LMNB2: variants seen among roughly 807,000 people sequenced by gnomAD.
LMNB2 encodes the protein lamin B2.
LMNB2 carries 17 observed loss-of-function variants against 69.3 expected under a neutral mutation model. The observed-to-expected ratio is 0.25, with a 90% CI of 0.17 to 0.37. LMNB2 has a LOEUF of 0.37. Ranked by LOEUF, LMNB2 falls within the 10% of genes least tolerant of loss-of-function variation. The pLI is 1.00. For synonymous variants in LMNB2, 397 were observed against 389.3 expected (o/e 1.02, Z -0.23); for missense variants, 789 against 883.6 (o/e 0.89, Z 1.36).
chr19:2,447,400 G>C lies in LMNB2; in HGVS notation c.265-2860C>G. Among the ~76,000 whole-genome samples the C allele has an allele frequency of 6.6e-6, 1 of 152,156 alleles. No individual in the cohort carries two copies. Among genetic ancestry groups the C allele is most frequent in the Non-Finnish European group, 1.5e-5 (1 of 68,018 alleles). On this transcript the variant is annotated intron_variant, in intron 1 of 11. Coordinates refer to ENST00000325327, the MANE Select transcript of LMNB2 (RefSeq NM_032737.4). This position sits in a 1 kb window ranked among gnomAD's most constrained non-coding sequence, Gnocchi z 4.4. Reference sequence around the variant, plus strand: ...GCACAGACACAGGCAGCGGGTGTGTGGGCAGCGGGGCTGGAGAAGGGGACG... The same window carrying C: ...GCACAGACACAGGCAGCGGGTGTGTCGGCAGCGGGGCTGGAGAAGGGGACG...
At chr19:2,440,360 T>C (rs1378717346) in intron 2 of LMNB2, among the ~76,000 whole-genome samples, 2 of 152,000 alleles carry the variant, frequency 1.3e-5, no homozygotes, top group Non-Finnish European at 2.9e-5. Flanking sequence ...CCAGATAATT[T>C]TGTATTTTTA....
At chr19:2,449,187 G>C (rs1013536888) in intron 1 of LMNB2, among the ~76,000 whole-genome samples, 1 of 152,148 alleles carries the variant, frequency 6.6e-6, no homozygotes, top group Admixed American at 6.5e-5. Flanking sequence ...GGGAGCCACC[G>C]CACCCAGCCC....
rs1469418961 is a variant in LMNB2 at position 2,453,301 on chromosome 19, C to A, written c.264+3369G>T. On this transcript the variant is annotated intron_variant, in intron 1 of 11. Coordinates refer to ENST00000325327, the MANE Select transcript of LMNB2 (RefSeq NM_032737.4). This position sits in a 1 kb window ranked among gnomAD's most constrained non-coding sequence, Gnocchi z 4.4. ...GACCTGCATGCTCTTAGGCCTGACACCCCAGGTCCCTCCTCGTTCAGAGCT... is the reference window on the plus strand; with the variant it reads ...GACCTGCATGCTCTTAGGCCTGACAACCCAGGTCCCTCCTCGTTCAGAGCT... Among the ~76,000 whole-genome samples the A allele has an allele frequency of 1.3e-5, 2 of 152,086 alleles. No individual in the cohort carries two copies. Among genetic ancestry groups the A allele is most frequent in the Admixed American group, 6.5e-5 (1 of 15,272 alleles).
rs754918727 is a variant in LMNB2 at position 2,431,565 on chromosome 19, C to T, written c.1804G>A (p.Asp602Asn). 1.2e-5 allele frequency: 19 copies of T among 1,614,028 alleles called. No individual in the cohort carries two copies. Among genetic ancestry groups the T allele is most frequent in the Non-Finnish European group, 1.4e-5 (17 of 1,179,994 alleles). Residue 602 changes from aspartate to asparagine, a missense_variant, in exon 11 of 12, where the codon GAT becomes AAT. Physicochemically the swap from Asp to Asn is conservative, Grantham distance 23 (BLOSUM62 1). This residue lies in a region of LMNB2 where 609 missense variants were observed against 630.9 expected (regional missense o/e 0.97). Coordinates refer to ENST00000325327, the MANE Select transcript of LMNB2 (RefSeq NM_032737.4). ...EEEEAEFGEE[D>N]LFHQQGDPRT... Reference sequence around the variant, plus strand: ...GGTCCTACCTGTTGGTGGAAAAGATCCTCCTCGCCAAACTCGGCTTCCTCC... The same window carrying T: ...GGTCCTACCTGTTGGTGGAAAAGATTCTCCTCGCCAAACTCGGCTTCCTCC...
chr19:2,456,263 C>G (rs1972087044), intron 1 of LMNB2, among the ~76,000 whole-genome samples: 2 of 151,052 alleles, frequency 1.3e-5, no homozygotes, highest in African/African-American at 4.9e-5. Context: ...AGCCGAGCAG[C>G]ACCCCTCACT....
rs1971694534 is a variant in LMNB2 at position 2,428,714 on chromosome 19, A to G, written c.*2197T>C. 6.6e-6 allele frequency: 1 copy of G among 152,270 alleles called. No individual in the cohort carries two copies. The highest frequency in any genetic ancestry group is 2.4e-5 in the African/African-American group (1 of 41,460). The allele number at this position is 152,270 out of a possible 1,614,324, so 9.4% of individuals were successfully genotyped here. The stretch of plus-strand genomic sequence containing the variant: ...CAGAGGGATGGTTTCGCATCGTTCT[A>G]AGCGGCACACAGCTAAGCGTATTTG... On this transcript the variant is annotated 3_prime_UTR_variant, in exon 12 of 12. Transcript: ENST00000325327.
chr19:2,456,442 C>T (rs1161206254), intron 1 of LMNB2, among the ~76,000 whole-genome samples: 1 of 151,170 alleles, frequency 6.6e-6, no homozygotes, highest in East Asian at 2.0e-4. Flanking sequence ...AGACCCGGGC[C>T]CGTCCCTGTC....
chr19:2,450,109 T>TATAC (rs769497368), intron 1 of LMNB2, among the ~76,000 whole-genome samples: 2 of 143,238 alleles, frequency 1.4e-5, no homozygotes, highest in East Asian at 4.6e-4. Flanking sequence ...TACATATACA[T>TATAC]ATATATATAC....
intron 1 of LMNB2, among the ~76,000 whole-genome samples, chr19:2,452,602 T>C (rs912569134): frequency 6.6e-6 from 1 of 151,828 alleles, no homozygotes; most frequent in African/African-American, 2.4e-5. Flanking sequence ...GGTACACGCC[T>C]GTAATCCCAG....
At chr19:2,445,550 C>A (rs1028012945) in intron 1 of LMNB2, among the ~76,000 whole-genome samples, 10 of 148,932 alleles carry the variant, frequency 6.7e-5, no homozygotes, top group Non-Finnish European at 1.2e-4. Context: ...CACCTTTCAC[C>A]CCTCGATCAC....
chr19:2,431,664 C>CGG lies in LMNB2; in HGVS notation c.1711-8_1711-7dup. The CGG allele has an allele frequency of 6.2e-7, 1 of 1,614,098 alleles. No individual in the cohort carries two copies. On this transcript the variant is annotated splice_region_variant and splice_polypyrimidine_tract_variant and intron_variant, in intron 10 of 11. Transcript: ENST00000325327. ...ACAGTCCTCATGGCCACTTCCTGTG[C>CGG]GGGACAGGACACGGCGGCATGTCCC...
chr19:2,445,607 CCCA>C (rs1971946577), intron 1 of LMNB2, among the ~76,000 whole-genome samples: 1 of 120,048 alleles, frequency 8.3e-6, no homozygotes, highest in East Asian at 2.7e-4. Flanking sequence ...ACCAGCGGCC[CCCA>C]CCTTTCACCC....
intron 4 of LMNB2, among the ~76,000 whole-genome samples, chr19:2,436,637 C>A (rs1971826724): frequency 6.9e-6 from 1 of 144,718 alleles, no homozygotes; most frequent in South Asian, 2.2e-4. Context: ...ACCCCCACAG[C>A]CGCGCACCCA....
At chr19:2,446,795 C>A (rs1445727771) in intron 1 of LMNB2, among the ~76,000 whole-genome samples, 1 of 152,224 alleles carries the variant, frequency 6.6e-6, no homozygotes, top group Non-Finnish European at 1.5e-5. Flanking sequence ...GGTAACTCCA[C>A]TCCTGGGTGT....
At position 2,431,764 on chromosome 19, in the gene LMNB2, C is replaced by T. The variant is rs1388336809; in HGVS notation, c.1710+19G>A. 7 of 1,613,828 alleles carry T rather than the reference C, an allele frequency of 4.3e-6. No individual in the cohort carries two copies. Among genetic ancestry groups the T allele is most frequent in the Middle Eastern group, 1.6e-4 (1 of 6,062 alleles). On this transcript the variant is annotated intron_variant, in intron 10 of 11. Coordinates refer to ENST00000325327, the MANE Select transcript of LMNB2 (RefSeq NM_032737.4). ...GCCCAGGACTCCAGCCGAGCACCCC[C>T]CAAGCCACACACACCCACCTCGCCA...
rs183380570 is a variant in LMNB2, at chr19:2,433,810, C to A, written c.1482+16G>T. On this transcript the variant is annotated intron_variant, in intron 8 of 11. Coordinates refer to ENST00000325327, the MANE Select transcript of LMNB2 (RefSeq NM_032737.4). ...GGGTCACCCCGTTACCCCCATGCCC[C>A]GGTCTTTCCGGTCACCTTGTCCGAG... 3 of 1,612,938 alleles carry A rather than the reference C, an allele frequency of 1.9e-6. No individual in the cohort carries two copies. Among genetic ancestry groups the A allele is most frequent in the Admixed American group, 1.7e-5 (1 of 59,988 alleles).
At chr19:2,446,307 G>GA (rs1354263846) in intron 1 of LMNB2, among the ~76,000 whole-genome samples, 1 of 151,778 alleles carries the variant, frequency 6.6e-6, no homozygotes, top group Admixed American at 6.6e-5. Context: ...AGGGCAGGCA[G>GA]AAGCGACTGG....
In LMNB2 at chr19:2,433,979, C is replaced by A; in HGVS notation, c.1329G>T (p.Glu443Asp). 1.2e-6 allele frequency: 2 copies of A among 1,610,422 alleles called. No individual in the cohort carries two copies. Among genetic ancestry groups the A allele is most frequent in the Non-Finnish European group, 8.5e-7 (1 of 1,179,426 alleles). Residue 443 changes from glutamate to aspartate, a missense_variant, in exon 8 of 12, where the codon GAG (glutamate) becomes GAT (aspartate). Transcript: ENST00000325327. Reference sequence around the variant, plus strand: ...GGACGCTTGGGCCGCTGCCCAAGGGCTCCTCCACCTCCAGCCGCTTCCGCT... The same window carrying A: ...GGACGCTTGGGCCGCTGCCCAAGGGATCCTCCACCTCCAGCCGCTTCCGCT... ...RSKRKRLEVE[E>D]PLGSGPSVLG...
intron 1 of LMNB2, among the ~76,000 whole-genome samples, chr19:2,454,848 G>C (rs1157594940): frequency 6.6e-6 from 1 of 152,192 alleles, no homozygotes; most frequent in African/African-American, 2.4e-5. Context: ...GGTTAGGTTG[G>C]GGGGCAGGAC....
Sources: allele counts gnomAD v4.1 joint callset (sites outside exome capture counted in the v4.1 genomes callset), GRCh38; gene constraint gnomAD v4.1.1; regional missense constraint gnomAD v4.1.1; non-coding constraint Gnocchi (gnomAD v3.1); transcripts MANE v1.5; gene names NCBI Gene and HGNC (gene_info 2026-07-23, HGNC 2026-07-21).